Variants in NUAK1 observed in about 807,000 individuals in gnomAD.
NUAK1 encodes NUAK family SNF1-like kinase 1.
NUAK1 carries 26 observed loss-of-function variants against 56.9 expected under a neutral mutation model. The ratio of observed to expected loss-of-function variants is 0.46; its 90% CI spans 0.33 to 0.63. The LOEUF (loss-of-function observed/expected upper bound fraction) is 0.63. Among genes scored for constraint, NUAK1 ranks in the 30% least tolerant of loss-of-function variants. The pLI is 0.02. For missense variants in NUAK1, 727 were observed against 876.1 expected, an observed-to-expected ratio of 0.83 and a Z score of 2.15; for synonymous variants, 337 against 336.0, an observed-to-expected ratio of 1.00 and a Z score of -0.03.
At chr12:106,090,980 A>C (rs539992841) in intron 2 of NUAK1, among the ~76,000 whole-genome samples, 11 of 152,346 alleles carry the variant, frequency 7.2e-5, no homozygotes, top group Admixed American at 2.6e-4. Flanking sequence ...TTAATACTGA[A>C]GAATGAGCAG....
chr12:106,121,765 G>GA (rs2136479943), intron 1 of NUAK1, among the ~76,000 whole-genome samples: 1 of 152,082 alleles, frequency 6.6e-6, no homozygotes, highest in Non-Finnish European at 1.5e-5. Flanking sequence ...AAAAAAAGGT[G>GA]GGGGGGTGTG....
chr12:106,112,166 C>T (rs2032866081), intron 1 of NUAK1, among the ~76,000 whole-genome samples: 1 of 152,064 alleles, frequency 6.6e-6, no homozygotes. Flanking sequence ...GCATTAGCAT[C>T]ACTTAGTGAG....
chr12:106,101,521 G>A (rs2032747826), intron 2 of NUAK1, among the ~76,000 whole-genome samples: 1 of 152,222 alleles, frequency 6.6e-6, no homozygotes, highest in African/African-American at 2.4e-5. Context: ...ACAGACACAT[G>A]TGGTGGGAAG....
At chr12:106,087,457 A>T (rs935682044) in intron 2 of NUAK1, among the ~76,000 whole-genome samples, 1 of 152,148 alleles carries the variant, frequency 6.6e-6, no homozygotes, top group African/African-American at 2.4e-5. Flanking sequence ...TGTCTCCCCC[A>T]GTCAAATGTA....
At chr12:106,093,555 A>T (rs2032657875) in intron 2 of NUAK1, among the ~76,000 whole-genome samples, 1 of 152,192 alleles carries the variant, frequency 6.6e-6, no homozygotes, top group African/African-American at 2.4e-5. Context: ...AACTTGAGAA[A>T]ATGTGTATTA....
chr12:106,102,001 G>T (rs1212965091), intron 2 of NUAK1, among the ~76,000 whole-genome samples: 1 of 152,172 alleles, frequency 6.6e-6, no homozygotes, highest in Non-Finnish European at 1.5e-5. Flanking sequence ...AACCCCCAGG[G>T]AAGGGAGGGG....
At chr12:106,121,372 C>A (rs911466672) in intron 1 of NUAK1, among the ~76,000 whole-genome samples, 3 of 152,198 alleles carry the variant, frequency 2.0e-5, no homozygotes, top group Non-Finnish European at 2.9e-5. Flanking sequence ...TTTCACGCTT[C>A]TCTTTTCAAG....
chr12:106,107,142 A>T (rs1218304345), intron 1 of NUAK1, among the ~76,000 whole-genome samples: 1 of 152,176 alleles, frequency 6.6e-6, no homozygotes, highest in Admixed American at 6.5e-5. Flanking sequence ...TCTGGAGACA[A>T]ATCAGGGTAA....
intron 1 of NUAK1, among the ~76,000 whole-genome samples, chr12:106,117,955 A>G (rs1013495971): frequency 6.6e-5 from 10 of 152,160 alleles, no homozygotes; most frequent in African/African-American, 1.9e-4. Context: ...ATATTTGTTG[A>G]GCTTAATTTT....
At chr12:106,106,672 G>A (rs1181014803) in intron 1 of NUAK1, 147 bp from the exon 2 acceptor site, 2 of 717,808 alleles carry the variant, frequency 2.8e-6, no homozygotes, top group Non-Finnish European at 4.3e-6. Flanking sequence ...CCCTTGTCAT[G>A]TCTTTCATAC....
intron 2 of NUAK1, among the ~76,000 whole-genome samples, chr12:106,094,431 C>T (rs1052171719): frequency 6.6e-6 from 1 of 152,200 alleles, no homozygotes; most frequent in African/African-American, 2.4e-5. Flanking sequence ...TTAGTCAATA[C>T]AAGACTCATT....
chr12:106,138,850 C>T lies in NUAK1; in HGVS notation c.-197G>A. ...GCACATCTGGCGCCCGCGGCGCGCA[C>T]GGTCCGCGCACCGCCCCCCGGCCGC... On this transcript the variant is annotated 5_prime_UTR_variant, in exon 1 of 7. It adds an upstream start codon to the 5' untranslated region. Transcript: ENST00000261402. This position sits in a 1 kb window ranked among gnomAD's most constrained non-coding sequence, Gnocchi z 5.0. 2 of 659,328 alleles carry T rather than the reference C, an allele frequency of 3.0e-6. No individual in the cohort carries two copies. The highest frequency in any genetic ancestry group is 3.6e-5 in the East Asian group (1 of 27,828). 40.8% of individuals were successfully genotyped at this position (659,328 alleles called of 1,614,324 possible). A position where few individuals can be genotyped will look rare whatever the true frequency, so the allele number is the denominator to read the frequency against.
At chr12:106,076,194 G>T (rs945157478) in intron 4 of NUAK1, among the ~76,000 whole-genome samples, 8 of 152,350 alleles carry the variant, frequency 5.3e-5, no homozygotes, top group Admixed American at 5.2e-4. Flanking sequence ...AGCCCTAACA[G>T]ATGTTAATCC....
intron 1 of NUAK1, among the ~76,000 whole-genome samples, chr12:106,107,909 G>A (rs930396813): frequency 6.6e-6 from 1 of 152,194 alleles, no homozygotes; most frequent in Non-Finnish European, 1.5e-5. Context: ...CCTTACCCCA[G>A]TTGTGATTAA....
chr12:106,084,148 T>G, intron 3 of NUAK1: 1 of 561,212 alleles, frequency 1.8e-6, no homozygotes, highest in Non-Finnish European at 3.2e-6. Flanking sequence ...TCACTTGCTG[T>G]GTGGTTAAGG....
At chr12:106,097,105 A>G (rs2032703540) in intron 2 of NUAK1, among the ~76,000 whole-genome samples, 1 of 152,168 alleles carries the variant, frequency 6.6e-6, no homozygotes, top group African/African-American at 2.4e-5. Flanking sequence ...GTACTTAGCA[A>G]TTTTATTCAT....
chr12:106,064,461 C>T lies in NUAK1; in HGVS notation c.*2341G>A, dbSNP rs1032183132. 6.6e-6 allele frequency: 1 copy of T among 152,236 alleles called. No individual in the cohort carries two copies. The highest frequency in any genetic ancestry group is 2.4e-5 in the African/African-American group (1 of 41,446). 9.4% of individuals were successfully genotyped at this position (152,236 alleles called of 1,614,324 possible). On this transcript the variant is annotated 3_prime_UTR_variant, in exon 7 of 7. Coordinates refer to ENST00000261402, the MANE Select transcript of NUAK1 (RefSeq NM_014840.3). ...AGTGGAGGACTTTCTCTGCCACAGTCCACTGGCTGAGTTTCCTGACAAAAG... is the reference window on the plus strand; with the variant it reads ...AGTGGAGGACTTTCTCTGCCACAGTTCACTGGCTGAGTTTCCTGACAAAAG...
intron 2 of NUAK1, among the ~76,000 whole-genome samples, chr12:106,093,847 G>T (rs2032662620): frequency 6.6e-6 from 1 of 152,170 alleles, no homozygotes; most frequent in Non-Finnish European, 1.5e-5. Flanking sequence ...CACACAGGTG[G>T]GAGTGCAGTG....
At position 106,083,903 on chromosome 12, in the gene NUAK1, C is replaced by T. The variant is rs767442398; in HGVS notation, c.540G>A (p.Lys180=). The T allele has an allele frequency of 3.7e-6, 6 of 1,614,132 alleles. No individual in the cohort carries two copies. In the South Asian group the frequency reaches 5.5e-5, roughly 15 times the overall value. Residue 180 remains lysine (K), a synonymous_variant, in exon 4 of 7, where the codon AAG becomes AAA. Transcript: ENST00000261402. ...TGTCATCGAGCAGTATATTTTCCAG[C>T]TTCAAGTCCCGGTGGACCACACCGT... The part of the protein sequence containing the change: ...HKNGVVHRDL[K]LENILLDDNC...
Sources: gnomAD v4.1 joint callset for allele counts (sites outside exome capture counted in the v4.1 genomes callset) on GRCh38, gnomAD v4.1.1 for gene constraint, Gnocchi (gnomAD v3.1) non-coding constraint, MANE v1.5 for transcripts, NCBI Gene and HGNC (gene_info 2026-07-23, HGNC 2026-07-21) for gene names.